Variants in XPO4 observed in about 807,000 individuals in gnomAD.
The protein encoded by XPO4 is exportin 4, also known as exportin-4.
In XPO4, 39 loss-of-function variants were observed where a neutral mutation model predicts 143.0. That is an observed-to-expected ratio of 0.27 (90% CI 0.21 to 0.36). The LOEUF is 0.36. XPO4 is among the 10% of genes least tolerant of loss of function. The pLI, the probability that XPO4 is intolerant of heterozygous loss-of-function variation, is 1.00. For missense variants in XPO4, 907 were observed against 1,348.0 expected, an observed-to-expected ratio of 0.67 and a Z score of 5.12; for synonymous variants, 439 against 474.0, an observed-to-expected ratio of 0.93 and a Z score of 0.96.
intron 4 of XPO4, chr13:20,849,630 C>T (rs1286461788): frequency 1.0e-6 from 1 of 985,076 alleles, no homozygotes; most frequent in East Asian, 1.1e-4. Flanking sequence ...TAACTGCCCA[C>T]AAGCTTGAAA....
At chr13:20,860,192 TTA>T (rs1296033812) in intron 3 of XPO4, among the ~76,000 whole-genome samples, 2 of 152,230 alleles carry the variant, frequency 1.3e-5, no homozygotes, top group Non-Finnish European at 2.9e-5. Context: ...TAAAGAGACT[TTA>T]TGTTAGTTTC....
chr13:20,862,897 C>T (rs755204719), intron 2 of XPO4, 39 bp from the exon 3 acceptor site: 1 of 1,607,190 alleles, frequency 6.2e-7, no homozygotes, highest in African/African-American at 1.3e-5. Flanking sequence ...AACAATAATT[C>T]ATTTTACCTT....
At position 20,791,045 on chromosome 13, in the gene XPO4, AAAAG is replaced by A. The variant is rs571906200; in HGVS notation, c.2798-469_2798-466del. 5.8e-4 allele frequency among the ~76,000 whole-genome samples: 88 copies of A among 152,238 alleles called. No individual in the cohort carries two copies. In the East Asian group the frequency reaches 8.7e-3, roughly 15 times the overall value. ...ATACAGAAATTAAAATGTTACATAA[AAAAG>A]AAAGTAGTTTAAAAAAGAACAACCA... On this transcript the variant is annotated intron_variant, in intron 18 of 22. Transcript: ENST00000255305.
At chr13:20,877,115 G>C (rs1451417214) in intron 1 of XPO4, among the ~76,000 whole-genome samples, 1 of 152,110 alleles carries the variant, frequency 6.6e-6, no homozygotes, top group Non-Finnish European at 1.5e-5. Flanking sequence ...GCCCCCACTC[G>C]ACCCAGGAAG....
intron 3 of XPO4, chr13:20,856,475 G>T: frequency 2.0e-6 from 1 of 493,416 alleles, no homozygotes; most frequent in Non-Finnish European, 2.6e-6. Context: ...TGAAAGATAA[G>T]GATCAGAAAA....
At chr13:20,818,838 G>A (rs1186815446) in intron 9 of XPO4, among the ~76,000 whole-genome samples, 1 of 146,440 alleles carries the variant, frequency 6.8e-6, no homozygotes, top group Admixed American at 6.9e-5. Context: ...TTTTTTTGTT[G>A]AGATGGAGTT....
intron 6 of XPO4, among the ~76,000 whole-genome samples, chr13:20,839,188 C>T (rs906635803): frequency 6.6e-6 from 1 of 152,126 alleles, no homozygotes; most frequent in East Asian, 1.9e-4. Context: ...CGCCTGCACC[C>T]AGAAGGCAGA....
At chr13:20,794,230 A>C (rs1370570941) in intron 18 of XPO4, among the ~76,000 whole-genome samples, 1 of 152,158 alleles carries the variant, frequency 6.6e-6, no homozygotes, top group African/African-American at 2.4e-5. Flanking sequence ...AAATAAGACA[A>C]ATCTGGTAGT....
intron 1 of XPO4, among the ~76,000 whole-genome samples, chr13:20,894,061 C>T (rs1411985040): frequency 2.6e-5 from 4 of 152,090 alleles, no homozygotes; most frequent in Non-Finnish European, 5.9e-5. Context: ...AGGCTGGTCT[C>T]GAACTCCCAA....
At chr13:20,838,364 C>A (rs971040880) in intron 6 of XPO4, among the ~76,000 whole-genome samples, 10 of 151,734 alleles carry the variant, frequency 6.6e-5, no homozygotes, top group Non-Finnish European at 1.3e-4. Flanking sequence ...AATCCCAGCA[C>A]TTTGGGAGGC....
chr13:20,869,495 C>A (rs1242929594), intron 1 of XPO4: 2 of 967,116 alleles, frequency 2.1e-6, no homozygotes, highest in East Asian at 1.1e-4. Flanking sequence ...GGAAAATAAA[C>A]CTTTATTATT....
At chr13:20,898,534 C>T (rs2060590066) in intron 1 of XPO4, among the ~76,000 whole-genome samples, 1 of 151,860 alleles carries the variant, frequency 6.6e-6, no homozygotes, top group Admixed American at 6.6e-5. Context: ...CATTGCACTC[C>T]AGCCTGGGCA....
chr13:20,875,523 T>C (rs982689807), intron 1 of XPO4, among the ~76,000 whole-genome samples: 1 of 152,110 alleles, frequency 6.6e-6, no homozygotes, highest in African/African-American at 2.4e-5. Flanking sequence ...TCTATCACCT[T>C]CTCCAATTTC....
chr13:20,814,410 C>T (rs962622988), intron 9 of XPO4, among the ~76,000 whole-genome samples: 3 of 152,182 alleles, frequency 2.0e-5, no homozygotes, highest in African/African-American at 7.2e-5. Context: ...AGGTAGACTG[C>T]AAGAGCCTCA....
At chr13:20,888,749 A>G (rs954766541) in intron 1 of XPO4, among the ~76,000 whole-genome samples, 1 of 152,208 alleles carries the variant, frequency 6.6e-6, no homozygotes, top group Non-Finnish European at 1.5e-5. Flanking sequence ...GAAAACTGAC[A>G]AAAGACATTT....
intron 17 of XPO4, among the ~76,000 whole-genome samples, 166 bp from the exon 18 acceptor site, chr13:20,796,422 AT>A (rs562095457): frequency 6.6e-6 from 1 of 151,866 alleles, no homozygotes; most frequent in African/African-American, 2.4e-5. Flanking sequence ...TTAAGAGTAT[AT>A]TTTTTTTAAT....
At chr13:20,851,723 AAAAAAAAGAAAG>A (rs1418377049) in intron 4 of XPO4, 6 of 943,030 alleles carry the variant, frequency 6.4e-6, no homozygotes, top group East Asian at 1.2e-4. Flanking sequence ...AAAAAAAAAA[AAAAAAAAGAAAG>A]AAAGAAAGAA....
intron 1 of XPO4, among the ~76,000 whole-genome samples, chr13:20,876,129 G>C (rs2060349315): frequency 6.7e-6 from 1 of 149,846 alleles, no homozygotes; most frequent in Admixed American, 6.6e-5. Flanking sequence ...CTGGGTGGTG[G>C]CACATGCCTG....
intron 9 of XPO4, among the ~76,000 whole-genome samples, chr13:20,813,039 C>G (rs1351727863): frequency 6.6e-6 from 1 of 152,036 alleles, no homozygotes; most frequent in Non-Finnish European, 1.5e-5. Flanking sequence ...ACTGGGAGGC[C>G]TCAGGAAACT....
Sources: gnomAD v4.1 joint callset for allele counts (sites outside exome capture counted in the v4.1 genomes callset) on GRCh38, gnomAD v4.1.1 for gene constraint, MANE v1.5 for transcripts, NCBI Gene and HGNC (gene_info 2026-07-23, HGNC 2026-07-21) for gene names.